Variants in PCDHGB4 observed in about 807,000 individuals in gnomAD.
The protein encoded by PCDHGB4 is protocadherin gamma subfamily B, 4.
In PCDHGB4, 38 loss-of-function variants were observed where a neutral mutation model predicts 60.5. That is an observed-to-expected ratio of 0.63 (90% CI 0.48 to 0.82). The LOEUF is 0.82. Ranked by LOEUF, PCDHGB4 falls within the 40% of genes least tolerant of loss-of-function variation. PCDHGB4 has a pLI of 0.00. For missense variants in PCDHGB4, 1,109 were observed against 1,209.6 expected, an observed-to-expected ratio of 0.92 and a Z score of 1.23; for synonymous variants, 456 against 509.7, an observed-to-expected ratio of 0.89 and a Z score of 1.42.
In PCDHGB4 at chr5:141,451,946, G is replaced by A. The variant is rs146934262; in HGVS notation, c.2398-42861G>A. On this transcript the variant is annotated intron_variant, in intron 1 of 3. Coordinates refer to ENST00000519479, the MANE Select transcript of PCDHGB4 (RefSeq NM_003736.4). ...GGAGGTAGGGAGGCAGGGAAAGACC[G>A]AGAAAGTGACATACCATCATTTTTG... Among the ~76,000 whole-genome samples, 240 of 152,218 alleles carry A rather than the reference G, an allele frequency of 1.6e-3. 1 individual carries two copies. Among genetic ancestry groups the A allele is most frequent in the Non-Finnish European group, 2.9e-3 (195 of 68,026 alleles).
intron 1 of PCDHGB4, among the ~76,000 whole-genome samples, chr5:141,458,663 G>A (rs1045303205): frequency 2.6e-5 from 4 of 151,804 alleles, no homozygotes; most frequent in Admixed American, 6.6e-5. Context: ...TCCACCTCTC[G>A]GGTTCAAGCA....
intron 2 of PCDHGB4, among the ~76,000 whole-genome samples, chr5:141,498,601 G>A (rs2099784606): frequency 6.6e-6 from 1 of 152,126 alleles, no homozygotes; most frequent in African/African-American, 2.4e-5. Flanking sequence ...CTTGGTTCAA[G>A]TTCAAGTCAG....
Position 141,390,286 on chromosome 5 carries a change from G to A in PCDHGB4, c.2397+5G>A, listed in dbSNP as rs1043842292. ...AGTGAATTGACTTCCCATCAGGTGA[G>A]TTTCCTTTAAGTATAATTTAATGCT... On this transcript the variant is annotated splice_donor_5th_base_variant and intron_variant, in intron 1 of 3. Coordinates refer to ENST00000519479, the MANE Select transcript of PCDHGB4 (RefSeq NM_003736.4). 2 of 1,613,848 alleles carry A rather than the reference G, an allele frequency of 1.2e-6. No individual in the cohort carries two copies. Among genetic ancestry groups the A allele is most frequent in the Non-Finnish European group, 1.7e-6 (2 of 1,179,870 alleles).
rs774630488 is a variant in PCDHGB4 at position 141,490,640 on chromosome 5, G to A, written c.2398-4167G>A. On this transcript the variant is annotated intron_variant, in intron 1 of 3. Transcript: ENST00000519479. The surrounding 1 kb of genome is among the most constrained non-coding windows in gnomAD (Gnocchi z 5.4). Reference sequence around the variant, plus strand: ...TACACTGCTTACATCCTAGAAAACCGGCCTCCGGGCTCCCTTCTTTGCACT... The same window carrying A: ...TACACTGCTTACATCCTAGAAAACCAGCCTCCGGGCTCCCTTCTTTGCACT... 2.6e-5 allele frequency: 42 copies of A among 1,614,004 alleles called. No individual in the cohort carries two copies. The highest frequency in any genetic ancestry group is 1.6e-4 in the Middle Eastern group (1 of 6,084).
At chr5:141,459,245 C>G (rs1040972875) in intron 1 of PCDHGB4, among the ~76,000 whole-genome samples, 1 of 152,180 alleles carries the variant, frequency 6.6e-6, no homozygotes, top group African/African-American at 2.4e-5. Context: ...TGCTTCCTGT[C>G]ACTATAAATT....
intron 1 of PCDHGB4, chr5:141,400,388 A>C: frequency 1.9e-6 from 3 of 1,614,066 alleles, no homozygotes; most frequent in Non-Finnish European, 2.5e-6. Context: ...TGTGTTGCAC[A>C]TACAGGAAAG....
At chr5:141,426,015 T>G (rs1168777347) in intron 1 of PCDHGB4, among the ~76,000 whole-genome samples, 3 of 152,200 alleles carry the variant, frequency 2.0e-5, no homozygotes, top group African/African-American at 7.2e-5. Flanking sequence ...GGCTGCAGTT[T>G]TCTAAATAGA....
At chr5:141,404,769 A>C (rs528627644) in intron 1 of PCDHGB4, 1 of 1,611,124 alleles carries the variant, frequency 6.2e-7, no homozygotes, top group South Asian at 1.1e-5. Context: ...TGGCTCTCCT[A>C]CCGCCTATTC....
intron 1 of PCDHGB4, chr5:141,478,885 A>G (rs2099483148): frequency 8.4e-7 from 1 of 1,193,320 alleles, no homozygotes; most frequent in East Asian, 2.6e-5. Flanking sequence ...GCTTGGTATC[A>G]TTTACATTAG....
At chr5:141,459,302 A>T (rs1401348885) in intron 1 of PCDHGB4, among the ~76,000 whole-genome samples, 1 of 152,210 alleles carries the variant, frequency 6.6e-6, no homozygotes, top group African/African-American at 2.4e-5. Flanking sequence ...CCTATAACAT[A>T]TACTATTTTG....
chr5:141,444,082 A>G (rs942113441), intron 1 of PCDHGB4, among the ~76,000 whole-genome samples: 2 of 151,044 alleles, frequency 1.3e-5, no homozygotes, highest in African/African-American at 2.4e-5. Flanking sequence ...TCACCTGAAA[A>G]GTCTGCTAAG....
At chr5:141,393,735 G>C (rs1478004701) in intron 1 of PCDHGB4, 3 of 1,613,740 alleles carry the variant, frequency 1.9e-6, no homozygotes, top group Non-Finnish European at 1.7e-6. Context: ...AAAAAGTCTA[G>C]ATTATGAAGA....
intron 1 of PCDHGB4, chr5:141,427,980 G>A (rs1398178738): frequency 6.3e-7 from 1 of 1,596,206 alleles, no homozygotes. Context: ...CCCCGCGCTG[G>A]GGCCCGATGG....
At chr5:141,468,346 A>AG (rs2099164784) in intron 1 of PCDHGB4, 33 of 147,324 alleles carry the variant, frequency 2.2e-4, no homozygotes, top group Middle Eastern at 6.9e-3. Flanking sequence ...AAAAAAAAAA[A>AG]AAAGAAAGAA....
At position 141,487,385 on chromosome 5, in the gene PCDHGB4, CGAA is replaced by C; in HGVS notation, c.2398-7420_2398-7418del. 6.2e-7 allele frequency: 1 copy of C among 1,614,160 alleles called. No individual in the cohort carries two copies. The highest frequency in any genetic ancestry group is 8.5e-7 in the Non-Finnish European group (1 of 1,180,046). On this transcript the variant is annotated intron_variant, in intron 1 of 3. Coordinates refer to ENST00000519479, the MANE Select transcript of PCDHGB4 (RefSeq NM_003736.4). The surrounding 1 kb of genome is among the most constrained non-coding windows in gnomAD (Gnocchi z 5.0). ...CACCTGTGCCTGTCTCACCAGATCTCGAAGGAGGGAGGGGCTTCCCCCTTCCAA... is the reference window on the plus strand; with the variant it reads ...CACCTGTGCCTGTCTCACCAGATCTCGGAGGGAGGGGCTTCCCCCTTCCAA...
intron 1 of PCDHGB4, among the ~76,000 whole-genome samples, chr5:141,457,289 G>A (rs907200077): frequency 2.0e-5 from 3 of 152,146 alleles, no homozygotes; most frequent in Non-Finnish European, 4.4e-5. Context: ...GAAGTTCCTT[G>A]GTTTTATTTT....
rs775270875 is a variant in PCDHGB4 at position 141,410,577 on chromosome 5, A to G, written c.2397+20296A>G. ...TCTCCTGGAGCCTTAATTCCACCTCATGGTGGGGAGGATTTGACTTCACAT... is the reference window on the plus strand; with the variant it reads ...TCTCCTGGAGCCTTAATTCCACCTCGTGGTGGGGAGGATTTGACTTCACAT... On this transcript the variant is annotated intron_variant, in intron 1 of 3. Coordinates refer to ENST00000519479, the MANE Select transcript of PCDHGB4 (RefSeq NM_003736.4). 4 of 1,610,116 alleles carry G rather than the reference A, an allele frequency of 2.5e-6. No homozygotes were observed. In the Admixed American group the frequency reaches 5.0e-5, roughly 20 times the overall value.
intron 3 of PCDHGB4, among the ~76,000 whole-genome samples, chr5:141,510,117 T>C (rs1205620535): frequency 6.6e-6 from 1 of 151,908 alleles, no homozygotes; most frequent in East Asian, 1.9e-4. Context: ...TGTTTTGAAA[T>C]ACAAAAATTA....
intron 1 of PCDHGB4, chr5:141,423,721 T>C (rs2096769391): frequency 8.3e-7 from 1 of 1,208,140 alleles, no homozygotes; most frequent in East Asian, 3.8e-5. Flanking sequence ...TTTAAGGAGA[T>C]GTTTTTTGAG....
Sources: allele counts gnomAD v4.1 joint callset (sites outside exome capture counted in the v4.1 genomes callset), GRCh38; gene constraint gnomAD v4.1.1; non-coding constraint Gnocchi (gnomAD v3.1); transcripts MANE v1.5; gene names NCBI Gene and HGNC (gene_info 2026-07-23, HGNC 2026-07-21).